TENM3: variants seen among roughly 807,000 people sequenced by gnomAD.
TENM3 encodes teneurin-3.
TENM3 carries 63 observed loss-of-function variants against 255.1 expected under a neutral mutation model. The ratio of observed to expected loss-of-function variants is 0.25; its 90% CI spans 0.20 to 0.30. The LOEUF is 0.30. Ranked by LOEUF, TENM3 falls within the 10% of genes least tolerant of loss-of-function variation. The pLI is 1.00. For synonymous variants in TENM3, 1,306 were observed against 1,322.3 expected (o/e 0.99, Z 0.27); for missense variants, 2,929 against 3,461.1 (o/e 0.85, Z 3.86).
chr4:181,959,326 T>G, the TENM3 span, among the ~76,000 whole-genome samples: 1 of 151,988 alleles, frequency 6.6e-6, no homozygotes, highest in South Asian at 2.1e-4. Flanking sequence ...TCTCTCTCAC[T>G]GACTGACTCA....
intron 3 of TENM3, among the ~76,000 whole-genome samples, chr4:182,514,442 G>A (rs1430237056): frequency 6.6e-6 from 1 of 152,170 alleles, no homozygotes; most frequent in African/African-American, 2.4e-5. Context: ...GAGTTTAGGT[G>A]CCTGAAAGAC....
chr4:182,480,178 G>A (rs1025822821), intron 3 of TENM3, among the ~76,000 whole-genome samples: 1 of 151,952 alleles, frequency 6.6e-6, no homozygotes, highest in Non-Finnish European at 1.5e-5. Flanking sequence ...TCTCTGAGCT[G>A]TGTGGAAGAT....
chr4:181,550,227 T>A, the TENM3 span, among the ~76,000 whole-genome samples: 1 of 152,192 alleles, frequency 6.6e-6, no homozygotes, highest in African/African-American at 2.4e-5. Flanking sequence ...GAGATTTGGA[T>A]TATAACATGA....
chr4:182,280,512 A>C (rs1760313449), intron 1 of TENM3, among the ~76,000 whole-genome samples: 1 of 152,222 alleles, frequency 6.6e-6, no homozygotes, highest in African/African-American at 2.4e-5. Flanking sequence ...TTTAGAATAG[A>C]TAATTTCTAT....
At chr4:182,254,911 C>T (rs1349645709) in intron 1 of TENM3, among the ~76,000 whole-genome samples, 1 of 152,112 alleles carries the variant, frequency 6.6e-6, no homozygotes, top group African/African-American at 2.4e-5. Context: ...AAACCCAAAC[C>T]AGTGAGCTAA....
chr4:181,471,758 T>C, the TENM3 span, among the ~76,000 whole-genome samples: 3 of 152,188 alleles, frequency 2.0e-5, no homozygotes, highest in Admixed American at 6.5e-5. Context: ...GACATTCCTA[T>C]AAGAAAAGGC....
Position 182,418,420 on chromosome 4 carries a change from G to T in TENM3, c.511+71491G>T, listed in dbSNP as rs532947076. On this transcript the variant is annotated intron_variant, in intron 3 of 27. Transcript: ENST00000511685. Reference sequence around the variant, plus strand: ...AAAAGTTTCTGGAATTTGCCAGGGGGTCACAGACACAGAAGTGATCAAACC... The same window carrying T: ...AAAAGTTTCTGGAATTTGCCAGGGGTTCACAGACACAGAAGTGATCAAACC... 2.0e-5 allele frequency among the ~76,000 whole-genome samples: 3 copies of T among 152,228 alleles called. No homozygotes were observed. In the South Asian group the frequency reaches 6.2e-4, roughly 32 times the overall value.
chr4:182,731,845 G>A (rs1327760904), intron 16 of TENM3, among the ~76,000 whole-genome samples: 19 of 150,496 alleles, frequency 1.3e-4, no homozygotes, highest in South Asian at 2.1e-4. Context: ...GCAGTGGCAC[G>A]ATCTCGGCTC....
intron 5 of TENM3, among the ~76,000 whole-genome samples, chr4:182,641,884 G>GAGTA (rs1752348381): frequency 1.3e-5 from 2 of 152,202 alleles, no homozygotes; most frequent in African/African-American, 4.8e-5. Flanking sequence ...AAAATTGAGT[G>GAGTA]AGTACTGCAA....
chr4:182,015,839 G>A, the TENM3 span, among the ~76,000 whole-genome samples: 2 of 152,138 alleles, frequency 1.3e-5, no homozygotes, highest in Admixed American at 1.3e-4. Context: ...GAGCCACTGC[G>A]CCTGGCCTGA....
At chr4:182,541,737 A>G (rs968258943) in intron 3 of TENM3, among the ~76,000 whole-genome samples, 1 of 152,182 alleles carries the variant, frequency 6.6e-6, no homozygotes, top group Non-Finnish European at 1.5e-5. Flanking sequence ...GGTTTTAAGT[A>G]ACATTTAATA....
At chr4:182,022,200 C>T in the TENM3 span, among the ~76,000 whole-genome samples, 2 of 152,092 alleles carry the variant, frequency 1.3e-5, no homozygotes, top group African/African-American at 4.8e-5. Flanking sequence ...TACATATACA[C>T]CATGGAATGC....
chr4:181,622,094 T>A, the TENM3 span, among the ~76,000 whole-genome samples: 57 of 152,298 alleles, frequency 3.7e-4, no homozygotes, highest in African/African-American at 1.3e-3. Flanking sequence ...AGACACAGGA[T>A]TAATCCTCTG....
chr4:181,567,978 T>G, the TENM3 span, among the ~76,000 whole-genome samples: 3 of 151,940 alleles, frequency 2.0e-5, no homozygotes, highest in African/African-American at 7.2e-5. Flanking sequence ...TTCTAAGAGA[T>G]GAAAACAGAA....
At chr4:181,979,608 G>A in the TENM3 span, among the ~76,000 whole-genome samples, 3 of 152,134 alleles carry the variant, frequency 2.0e-5, no homozygotes, top group Admixed American at 2.0e-4. Context: ...GTGGGTTCAG[G>A]AGGGACCAGA....
intron 3 of TENM3, among the ~76,000 whole-genome samples, chr4:182,440,880 T>C (rs985025440): frequency 2.0e-5 from 3 of 151,934 alleles, no homozygotes; most frequent in Non-Finnish European, 4.4e-5. Context: ...GTTTGTTACA[T>C]AAGTAAACAC....
intron 3 of TENM3, among the ~76,000 whole-genome samples, chr4:182,553,339 A>G (rs935059653): frequency 1.4e-5 from 2 of 137,932 alleles, no homozygotes; most frequent in African/African-American, 5.5e-5. Flanking sequence ...ATGAGAACAC[A>G]TGGACACAGG....
At chr4:181,522,096 G>A in the TENM3 span, among the ~76,000 whole-genome samples, 16 of 72,242 alleles carry the variant, frequency 2.2e-4, no homozygotes, top group East Asian at 2.6e-3. Flanking sequence ...GCGAGACTCC[G>A]TCTCAAAAAA....
intron 1 of TENM3, among the ~76,000 whole-genome samples, chr4:182,179,440 A>T (rs1162141370): frequency 6.6e-6 from 1 of 152,256 alleles, no homozygotes; most frequent in Non-Finnish European, 1.5e-5. Flanking sequence ...GAAAGACAGT[A>T]CTGTAGAGGC....
Sources: allele counts gnomAD v4.1 joint callset (sites outside exome capture counted in the v4.1 genomes callset), GRCh38; gene constraint gnomAD v4.1.1; transcripts MANE v1.5; gene names NCBI Gene and HGNC (gene_info 2026-07-23, HGNC 2026-07-21).